SGMS1: variants seen among roughly 807,000 people sequenced by gnomAD.
SGMS1 encodes phosphatidylcholine:ceramide cholinephosphotransferase 1.
In SGMS1, 13 loss-of-function variants were observed where a neutral mutation model predicts 46.2. The observed-to-expected ratio is 0.28, with a 90% CI of 0.18 to 0.45. SGMS1 has a LOEUF of 0.45. SGMS1 is among the 20% of genes least tolerant of loss of function. SGMS1 has a pLI of 1.00. For synonymous variants in SGMS1, 203 were observed against 187.8 expected (o/e 1.08, Z -0.66); for missense variants, 324 against 519.9 (o/e 0.62, Z 3.66).
chr10:50,512,574 G>A (rs1837766667), intron 3 of SGMS1, among the ~76,000 whole-genome samples: 1 of 152,114 alleles, frequency 6.6e-6, no homozygotes, highest in Admixed American at 6.5e-5. Context: ...GTCCATGAGG[G>A]CTGGGTCCTA....
At chr10:50,614,214 G>A (rs1336112434) in intron 1 of SGMS1, among the ~76,000 whole-genome samples, 1 of 151,644 alleles carries the variant, frequency 6.6e-6, no homozygotes, top group Non-Finnish European at 1.5e-5. Flanking sequence ...AGCTTCTAAT[G>A]AGTGCTGACT....
At chr10:50,469,445 G>A (rs1199282518) in intron 3 of SGMS1, among the ~76,000 whole-genome samples, 2 of 152,064 alleles carry the variant, frequency 1.3e-5, no homozygotes, top group Non-Finnish European at 2.9e-5. Context: ...AAAGCTGCAG[G>A]CTTGATTTTT....
intron 3 of SGMS1, among the ~76,000 whole-genome samples, chr10:50,501,170 C>T (rs192677890): frequency 2.4e-4 from 37 of 152,216 alleles, no homozygotes; most frequent in Middle Eastern, 3.4e-3. Context: ...CAAATGTGCC[C>T]TTCTGTGGTA....
At chr10:50,320,458 A>C (rs1434896355) in intron 8 of SGMS1, among the ~76,000 whole-genome samples, 4 of 152,036 alleles carry the variant, frequency 2.6e-5, no homozygotes, top group Non-Finnish European at 5.9e-5. Context: ...ACTTAAGTCT[A>C]CTTCCCTCCT....
At chr10:50,443,471 G>A (rs1740759) in intron 5 of SGMS1, among the ~76,000 whole-genome samples, 84,381 of 151,218 alleles carry the variant, frequency 0.56, 23,797 homozygotes, top group Non-Finnish European at 0.58. Context: ...CGAAACAGGT[G>A]TCCAGAAAAC....
chr10:50,519,982 T>C (rs968285544), intron 2 of SGMS1, 61 bp from the exon 3 acceptor site: 4 of 152,250 alleles, frequency 2.6e-5, no homozygotes, highest in Non-Finnish European at 5.9e-5. Context: ...AAGGGCCCAC[T>C]TGGAAAAGCA....
chr10:50,500,685 T>C (rs1288900944), intron 3 of SGMS1, among the ~76,000 whole-genome samples: 1 of 152,232 alleles, frequency 6.6e-6, no homozygotes, highest in Non-Finnish European at 1.5e-5. Context: ...GAAATATTCA[T>C]GTGAAATAGC....
At chr10:50,546,238 G>A (rs1838099644) in intron 2 of SGMS1, among the ~76,000 whole-genome samples, 1 of 152,052 alleles carries the variant, frequency 6.6e-6, no homozygotes, top group Non-Finnish European at 1.5e-5. Context: ...ATAGCACCCT[G>A]TAGCAACAAA....
chr10:50,484,008 C>T (rs943209801), intron 3 of SGMS1, among the ~76,000 whole-genome samples: 29 of 151,822 alleles, frequency 1.9e-4, no homozygotes, highest in African/African-American at 7.0e-4. Flanking sequence ...GCAAACAAAC[C>T]CCAAAGCTAG....
chr10:50,611,652 G>A (rs1227058309), intron 1 of SGMS1, among the ~76,000 whole-genome samples: 2 of 152,200 alleles, frequency 1.3e-5, no homozygotes, highest in East Asian at 1.9e-4. Flanking sequence ...GCTGAAGGCC[G>A]TGGGTCCTCT....
chr10:50,328,228 A>T (rs1381207756), intron 7 of SGMS1: 1 of 236,932 alleles, frequency 4.2e-6, no homozygotes, highest in African/African-American at 2.4e-5. Context: ...GTATTTTTGA[A>T]CAAGAACATT....
intron 2 of SGMS1, among the ~76,000 whole-genome samples, chr10:50,534,215 A>G (rs1000994381): frequency 3.3e-5 from 5 of 152,162 alleles, no homozygotes; most frequent in African/African-American, 4.8e-5. Context: ...AGGGAAAGAG[A>G]GAGGAGACAG....
chr10:50,308,181 T>C (rs1230994901), intron 9 of SGMS1, 33 bp from the exon 10 acceptor site: 24 of 1,596,482 alleles, frequency 1.5e-5, no homozygotes, highest in Non-Finnish European at 2.1e-5. Context: ...ATAGTCCCAT[T>C]ATTCAAATGA....
intron 6 of SGMS1, among the ~76,000 whole-genome samples, chr10:50,388,825 C>A (rs932109812): frequency 2.0e-5 from 3 of 152,238 alleles, no homozygotes; most frequent in East Asian, 1.9e-4. Context: ...GATGAAAAGG[C>A]ATCCATGATC....
chr10:50,322,280 C>T (rs888802644), intron 8 of SGMS1, among the ~76,000 whole-genome samples: 5 of 152,306 alleles, frequency 3.3e-5, no homozygotes, highest in South Asian at 2.1e-4. Context: ...CCACAAAACA[C>T]GCCCAAACAT....
At chr10:50,322,826 G>A (rs1421905609) in intron 8 of SGMS1, among the ~76,000 whole-genome samples, 20 of 126,322 alleles carry the variant, frequency 1.6e-4, no homozygotes, top group East Asian at 2.6e-4. Context: ...GCGACAGAGC[G>A]AGACTCCGTC....
intron 1 of SGMS1, among the ~76,000 whole-genome samples, chr10:50,613,047 C>A (rs559300501): frequency 7.2e-5 from 11 of 152,338 alleles, no homozygotes; most frequent in Non-Finnish European, 1.5e-4. Flanking sequence ...CCTTTGGGGG[C>A]TGACCACTTA....
intron 6 of SGMS1, among the ~76,000 whole-genome samples, chr10:50,433,036 A>G (rs184771651): frequency 6.6e-5 from 10 of 152,330 alleles, no homozygotes; most frequent in Admixed American, 6.5e-4. Context: ...GTAGACAAAG[A>G]ACTCAATTTT....
chr10:50,585,792 T>G (rs1269299652), intron 2 of SGMS1, among the ~76,000 whole-genome samples: 1 of 152,254 alleles, frequency 6.6e-6, no homozygotes, highest in Non-Finnish European at 1.5e-5. Flanking sequence ...GAACCATATC[T>G]GATTTTCACC....
Sources: gnomAD v4.1 joint callset for allele counts (sites outside exome capture counted in the v4.1 genomes callset) on GRCh38, gnomAD v4.1.1 for gene constraint, MANE v1.5 for transcripts, NCBI Gene and HGNC (gene_info 2026-07-23, HGNC 2026-07-21) for gene names.